Variants in CHN1 observed in about 807,000 individuals in gnomAD.
CHN1 encodes N-chimaerin.
In CHN1, 37 loss-of-function variants were observed where a neutral mutation model predicts 59.5. That is an observed-to-expected ratio of 0.62 (90% confidence interval 0.48 to 0.82). The LOEUF (loss-of-function observed/expected upper bound fraction) is 0.82, where lower values mean the gene tolerates loss of function less well. Among genes scored for constraint, CHN1 ranks in the 40% least tolerant of loss-of-function variants. The probability of loss-of-function intolerance (pLI) is 0.00; values close to 1 mark genes in which losing one functional copy is unlikely to be tolerated. For missense variants in CHN1, 469 were observed against 571.0 expected (o/e 0.82, Z 1.82); for synonymous variants, 206 against 200.4 (o/e 1.03, Z -0.24).
At chr2:174,972,006 CA>C in intron 1 of CHN1, among the ~76,000 whole-genome samples, 1 of 152,200 alleles carries the variant, frequency 6.6e-6, no homozygotes, top group East Asian at 1.9e-4. Context: ...ACTTCAAGTG[CA>C]GTCCACAAGG....
chr2:174,966,099 A>G (rs1690580855), intron 1 of CHN1, among the ~76,000 whole-genome samples: 1 of 152,186 alleles, frequency 6.6e-6, no homozygotes, highest in Admixed American at 6.5e-5. Context: ...AAGATGCTTC[A>G]AAATGTGGAA....
intron 1 of CHN1, among the ~76,000 whole-genome samples, chr2:174,984,199 A>G (rs1304930553): frequency 1.3e-5 from 2 of 152,128 alleles, no homozygotes; most frequent in Non-Finnish European, 2.9e-5. Context: ...CAAAGATGTC[A>G]GTGGATGAAT....
At chr2:174,812,573 C>T in intron 8 of CHN1, 91 bp from the exon 9 acceptor site, 1 of 1,224,006 alleles carries the variant, frequency 8.2e-7, no homozygotes, top group Non-Finnish European at 1.2e-6. Flanking sequence ...GGCACTCCAG[C>T]TTGAATTAGG....
intron 3 of CHN1, among the ~76,000 whole-genome samples, chr2:174,933,976 T>C (rs1235247604): frequency 6.6e-6 from 1 of 152,104 alleles, no homozygotes; most frequent in Non-Finnish European, 1.5e-5. Flanking sequence ...AATTATGAGC[T>C]GAAAATTAGG....
At chr2:174,829,575 T>C (rs1408001465) in intron 7 of CHN1, among the ~76,000 whole-genome samples, 1 of 152,270 alleles carries the variant, frequency 6.6e-6, no homozygotes, top group Non-Finnish European at 1.5e-5. Context: ...ATCTTCATTG[T>C]TCCTTTCAAG....
intron 5 of CHN1, among the ~76,000 whole-genome samples, chr2:174,911,532 T>C (rs1353293985): frequency 1.3e-5 from 2 of 152,170 alleles, no homozygotes; most frequent in African/African-American, 4.8e-5. Context: ...AGATGGAGCA[T>C]AGGTAGAAAA....
intron 6 of CHN1, among the ~76,000 whole-genome samples, chr2:174,854,952 T>C (rs1443707848): frequency 6.6e-6 from 1 of 152,176 alleles, no homozygotes; most frequent in Non-Finnish European, 1.5e-5. Context: ...ACCTTATTTC[T>C]GGCAATTTTA....
At chr2:174,955,541 G>A (rs375479573) in intron 1 of CHN1, among the ~76,000 whole-genome samples, 3 of 151,908 alleles carry the variant, frequency 2.0e-5, no homozygotes, top group African/African-American at 7.3e-5. Flanking sequence ...AGTGTACAAT[G>A]CTCGGGTGAT....
In CHN1 at chr2:174,799,966, G is replaced by A; in HGVS notation, c.*150C>T. 4 of 752,664 alleles carry A rather than the reference G, an allele frequency of 5.3e-6. No homozygotes were observed. Among genetic ancestry groups the A allele is most frequent in the Non-Finnish European group, 6.9e-6 (3 of 434,690 alleles). The allele number at this position is 752,664 out of a possible 1,614,324, so 46.6% of individuals were successfully genotyped here. ...CTGTTTTACAAGACAGCTGAGCGGT[G>A]CTACAAAAACAACAGAAAGTTCCTT... On this transcript the variant is annotated 3_prime_UTR_variant, in exon 13 of 13. Coordinates refer to ENST00000409900, the MANE Select transcript of CHN1 (RefSeq NM_001822.7).
intron 1 of CHN1, among the ~76,000 whole-genome samples, chr2:174,988,363 A>C (rs1691424135): frequency 6.6e-6 from 1 of 151,980 alleles, no homozygotes; most frequent in Admixed American, 6.5e-5. Flanking sequence ...TCTCAAAAAA[A>C]AAAAAAAAAA....
intron 7 of CHN1, among the ~76,000 whole-genome samples, chr2:174,845,273 T>C (rs371258336): frequency 6.6e-6 from 1 of 152,146 alleles, no homozygotes. Context: ...TCTTTGGAGA[T>C]ATATTTAAGA....
intron 6 of CHN1, among the ~76,000 whole-genome samples, chr2:174,854,987 TACTC>T (rs753539394): frequency 6.6e-6 from 1 of 152,184 alleles, no homozygotes; most frequent in Non-Finnish European, 1.5e-5. Context: ...TCCATGCTCA[TACTC>T]AGTAATCCCA....
Position 174,957,947 on chromosome 2 carries a change from C to A in CHN1, c.20-5745G>T, listed in dbSNP as rs146300491. Among the ~76,000 whole-genome samples the A allele has an allele frequency of 6.6e-5, 10 of 152,238 alleles. No homozygotes were observed. In the East Asian group the frequency reaches 1.7e-3, roughly 26 times the overall value. ...TTATGCAATAAAGCCCCAATGAAAG[C>A]TCTGAACACCGAGGCCGGGAGAGCT... On this transcript the variant is annotated intron_variant, in intron 1 of 12. Transcript: ENST00000409900.
At chr2:174,919,475 G>A (rs1326150002) in intron 3 of CHN1, among the ~76,000 whole-genome samples, 1 of 152,120 alleles carries the variant, frequency 6.6e-6, no homozygotes, top group African/African-American at 2.4e-5. Context: ...ATGACACCAT[G>A]TACTATGTTA....
chr2:174,890,708 A>G (rs1007669372), intron 5 of CHN1, among the ~76,000 whole-genome samples: 1 of 152,168 alleles, frequency 6.6e-6, no homozygotes, highest in African/African-American at 2.4e-5. Flanking sequence ...AGGAGGACTT[A>G]AACAGCATTA....
Position 174,808,921 on chromosome 2 carries a change from C to T in CHN1, c.1086G>A (p.Lys362=), listed in dbSNP as rs377626683. ...IPLITYDAYP[K]FIESAKIMDP... is the part of the protein sequence containing the mutation. ...CATACTTACTGGCAGATTCTATAAA[C>T]TTAGGGTAGGCATCATATGTAATGA... Residue 362 remains lysine (K), a synonymous_variant, in exon 11 of 13, where the codon AAG becomes AAA. Coordinates refer to ENST00000409900, the MANE Select transcript of CHN1 (RefSeq NM_001822.7). The T allele has an allele frequency of 6.2e-7, 1 of 1,613,702 alleles. No individual in the cohort carries two copies. The highest frequency in any genetic ancestry group is 8.5e-7 in the Non-Finnish European group (1 of 1,179,738).
chr2:174,966,293 A>T (rs1181045566), intron 1 of CHN1, among the ~76,000 whole-genome samples: 1 of 152,172 alleles, frequency 6.6e-6, no homozygotes, highest in Non-Finnish European at 1.5e-5. Context: ...ATTATTTTTA[A>T]TTCTTCAGAG....
At chr2:174,870,432 T>C (rs1302215701) in intron 6 of CHN1, among the ~76,000 whole-genome samples, 5 of 152,202 alleles carry the variant, frequency 3.3e-5, no homozygotes, top group Non-Finnish European at 7.4e-5. Context: ...GGCATGGCTA[T>C]TGTTTTCCAA....
At chr2:174,915,302 A>C in intron 4 of CHN1, 131 bp from the exon 5 acceptor site, 1 of 721,842 alleles carries the variant, frequency 1.4e-6, no homozygotes, top group East Asian at 2.7e-5. Flanking sequence ...ATGGAAGGGA[A>C]GCACTTGGGT....
Sources: allele counts gnomAD v4.1 joint callset (sites outside exome capture counted in the v4.1 genomes callset), GRCh38; gene constraint gnomAD v4.1.1; transcripts MANE v1.5; gene names NCBI Gene and HGNC (gene_info 2026-07-23, HGNC 2026-07-21).